Variants in UHRF2 observed in about 807,000 individuals in gnomAD.
UHRF2 encodes the protein ubiquitin like with PHD and ring finger domains 2, also known as E3 ubiquitin-protein ligase UHRF2.
In UHRF2, 23 loss-of-function variants were observed where a neutral mutation model predicts 96.8. That is an observed-to-expected ratio of 0.24 (90% CI 0.17 to 0.34). The LOEUF (loss-of-function observed/expected upper bound fraction) is 0.34, where lower values mean the gene tolerates loss of function less well. Ranked by LOEUF, UHRF2 falls within the 10% of genes least tolerant of loss-of-function variation. UHRF2 has a pLI of 1.00. For missense variants in UHRF2, 685 were observed against 981.5 expected, an observed-to-expected ratio of 0.70 and a Z score of 4.04; for synonymous variants, 385 against 332.6, an observed-to-expected ratio of 1.16 and a Z score of -1.72.
At chr9:6,473,830 A>G (rs188810557) in intron 4 of UHRF2, among the ~76,000 whole-genome samples, 3 of 152,214 alleles carry the variant, frequency 2.0e-5, no homozygotes, top group Non-Finnish European at 2.9e-5. Context: ...TTTTTGACCT[A>G]CGCTCCAGAT....
Position 6,470,708 on chromosome 9 carries a change from A to T in UHRF2, c.864-4683A>T, listed in dbSNP as rs968378506. Among the ~76,000 whole-genome samples the T allele has an allele frequency of 2.6e-5, 4 of 152,232 alleles. No homozygotes were observed. In the East Asian group the frequency reaches 7.7e-4, roughly 29 times the overall value. ...AATGAAGTCGTGAGATTCTGGCATC[A>T]TTGGGGAAGTAGTGAAAGTAAAATT... is the stretch of plus-strand genomic sequence containing the variant. On this transcript the variant is annotated intron_variant, in intron 4 of 15. Transcript: ENST00000276893.
chr9:6,416,535 C>CTTTTTTTTTTTTTTTTTTTT, intron 1 of UHRF2, among the ~76,000 whole-genome samples: 1 of 64,930 alleles, frequency 1.5e-5, no homozygotes, highest in Non-Finnish European at 2.7e-5. Flanking sequence ...ATCTCTAAAT[C>CTTTTTTTTTTTTTTTTTTTT]TTTTTTTTTT....
At chr9:6,417,378 C>T (rs1819669125) in intron 1 of UHRF2, among the ~76,000 whole-genome samples, 1 of 152,134 alleles carries the variant, frequency 6.6e-6, no homozygotes, top group African/African-American at 2.4e-5. Flanking sequence ...CATTGATGGA[C>T]CTAAGTTACA....
intron 3 of UHRF2, among the ~76,000 whole-genome samples, chr9:6,446,965 T>C (rs1224436968): frequency 6.6e-6 from 1 of 152,138 alleles, no homozygotes; most frequent in Admixed American, 6.5e-5. Context: ...CTCGGCTCAC[T>C]GCAAGCTCCG....
At chr9:6,502,391 A>G (rs141918107) in intron 14 of UHRF2, among the ~76,000 whole-genome samples, 3 of 152,310 alleles carry the variant, frequency 2.0e-5, no homozygotes, top group African/African-American at 7.2e-5. Flanking sequence ...TTAAGTCTGT[A>G]TAAATAGATT....
intron 2 of UHRF2, among the ~76,000 whole-genome samples, chr9:6,421,354 G>T (rs578101721): frequency 1.3e-5 from 2 of 152,146 alleles, no homozygotes; most frequent in Admixed American, 1.3e-4. Flanking sequence ...GAGCAATAAA[G>T]GAAATACTTG....
chr9:6,424,223 A>C (rs1302983700), intron 2 of UHRF2, among the ~76,000 whole-genome samples: 2 of 152,218 alleles, frequency 1.3e-5, no homozygotes, highest in South Asian at 2.1e-4. Flanking sequence ...GCAGTCACTA[A>C]AGTGGCTATC....
rs546763020 is a variant in UHRF2 at position 6,428,730 on chromosome 9, G to A, written c.385-5184G>A. 7.2e-5 allele frequency among the ~76,000 whole-genome samples: 11 copies of A among 151,782 alleles called. No individual in the cohort carries two copies. In the South Asian group the frequency reaches 1.0e-3, roughly 14 times the overall value. ...ATACCCAGCTAATTTTCAATTTTTC[G>A]TAGAGACAGAGTTTCACTATGTTGT... On this transcript the variant is annotated intron_variant, in intron 2 of 15. Coordinates refer to ENST00000276893, the MANE Select transcript of UHRF2 (RefSeq NM_152896.3).
intron 9 of UHRF2, among the ~76,000 whole-genome samples, chr9:6,490,082 TAAAC>T (rs777519365): frequency 1.0e-3 from 157 of 152,360 alleles, no homozygotes; most frequent in Non-Finnish European, 1.7e-3. Flanking sequence ...GCTTTATAAA[TAAAC>T]CAACTAGAAA....
At chr9:6,487,790 C>T (rs1036351777) in intron 9 of UHRF2, among the ~76,000 whole-genome samples, 3 of 152,348 alleles carry the variant, frequency 2.0e-5, no homozygotes, top group South Asian at 4.1e-4. Flanking sequence ...GCGTGAGCCA[C>T]GGTGCCCATC....
At position 6,486,941 on chromosome 9, in the gene UHRF2, A is replaced by G. The variant is rs752498848; in HGVS notation, c.1497+16A>G. The G allele has an allele frequency of 6.2e-6, 10 of 1,611,928 alleles. No individual in the cohort carries two copies. The highest frequency in any genetic ancestry group is 3.3e-5 in the Admixed American group (2 of 59,960). On this transcript the variant is annotated intron_variant, in intron 9 of 15. Coordinates refer to ENST00000276893, the MANE Select transcript of UHRF2 (RefSeq NM_152896.3). ...GGATGAAGTCGTAAGTCATTATACA[A>G]CCTTACTCATTAGTACCTGCCTTGA...
At chr9:6,475,945 C>T (rs1040062603) in intron 5 of UHRF2, among the ~76,000 whole-genome samples, 1 of 152,040 alleles carries the variant, frequency 6.6e-6, no homozygotes, top group Non-Finnish European at 1.5e-5. Flanking sequence ...TAACTGTAGT[C>T]CCCCATCGTG....
At chr9:6,502,651 C>T (rs1451340620) in intron 14 of UHRF2, among the ~76,000 whole-genome samples, 1 of 152,116 alleles carries the variant, frequency 6.6e-6, no homozygotes, top group Non-Finnish European at 1.5e-5. Flanking sequence ...ACGTAAGTTC[C>T]AGGAGAGCAC....
intron 3 of UHRF2, among the ~76,000 whole-genome samples, chr9:6,457,758 A>T (rs1278550382): frequency 6.6e-6 from 1 of 152,212 alleles, no homozygotes; most frequent in East Asian, 1.9e-4. Flanking sequence ...GTCTGTTAAG[A>T]TAATCATGTG....
chr9:6,448,825 A>G (rs1177843636), intron 3 of UHRF2, among the ~76,000 whole-genome samples: 4 of 152,204 alleles, frequency 2.6e-5, no homozygotes, highest in Non-Finnish European at 5.9e-5. Context: ...CTTGAATGTC[A>G]CCTTTTAAAG....
At chr9:6,458,272 A>G (rs928332284) in intron 3 of UHRF2, among the ~76,000 whole-genome samples, 1 of 151,738 alleles carries the variant, frequency 6.6e-6, no homozygotes, top group Non-Finnish European at 1.5e-5. Flanking sequence ...TTTCTTCTAG[A>G]TTTTCTAGTT....
intron 4 of UHRF2, among the ~76,000 whole-genome samples, chr9:6,461,475 C>T (rs774642773): frequency 7.3e-5 from 11 of 150,482 alleles, no homozygotes; most frequent in Non-Finnish European, 1.0e-4. Flanking sequence ...TGGGTTCATG[C>T]AGTTCTCCTG....
Position 6,500,023 on chromosome 9 carries a change from A to C in UHRF2, c.2005+92A>C, listed in dbSNP as rs146926614. On this transcript the variant is annotated intron_variant, in intron 13 of 15. Transcript: ENST00000276893. ...GTCTCACTCTTGTCACCCAGGCTGG[A>C]GTGCAGTGGAAAGATCTTGGCTCAC... The C allele has an allele frequency of 5.6e-4, 567 of 1,017,286 alleles. 3 individuals carry two copies. In the African/African-American group the frequency reaches 7.8e-3, roughly 14 times the overall value. 63.0% of individuals were successfully genotyped at this position (1,017,286 alleles called of 1,614,324 possible).
intron 14 of UHRF2, among the ~76,000 whole-genome samples, chr9:6,504,174 C>A (rs1023118599): frequency 6.6e-6 from 1 of 151,712 alleles, no homozygotes; most frequent in South Asian, 2.1e-4. Context: ...TACAGGCACA[C>A]GCCGCCACGC....
Sources: gnomAD v4.1 joint callset for allele counts (sites outside exome capture counted in the v4.1 genomes callset) on GRCh38, gnomAD v4.1.1 for gene constraint, MANE v1.5 for transcripts, NCBI Gene and HGNC (gene_info 2026-07-23, HGNC 2026-07-21) for gene names.